The following SCARA5 variants were observed in gnomAD, a reference collection of about 807,000 sequenced individuals.
SCARA5 encodes the protein scavenger receptor class A, member 5 (putative).
SCARA5 carries 45 observed loss-of-function variants against 46.3 expected under a neutral mutation model. The ratio of observed to expected loss-of-function variants is 0.97; its 90% CI spans 0.76 to 1.24. The LOEUF is 1.24. SCARA5 is among the 50% of genes most tolerant of loss of function. The pLI is 0.00. For synonymous variants in SCARA5, 333 were observed against 306.5 expected (o/e 1.09, Z -0.90); for missense variants, 680 against 689.0 (o/e 0.99, Z 0.15).
chr8:27,917,475 G>C lies in SCARA5; in HGVS notation c.916+4096C>G, dbSNP rs140628674. On this transcript the variant is annotated intron_variant, in intron 4 of 8. Coordinates refer to ENST00000354914, the MANE Select transcript of SCARA5 (RefSeq NM_173833.6). ...GCTTGGAAGAGGAAGGGCCTGGAAA[G>C]TGCCTCAAATACAGGGAACACGCTT... Among the ~76,000 whole-genome samples the C allele has an allele frequency of 8.5e-4, 129 of 152,282 alleles. 1 individual carries two copies. The East Asian group carries it at 0.017, about 20-fold the overall frequency.
At chr8:27,981,099 G>A (rs766597938) in intron 2 of SCARA5, among the ~76,000 whole-genome samples, 1 of 152,106 alleles carries the variant, frequency 6.6e-6, no homozygotes, top group Admixed American at 6.5e-5. Context: ...TGTGTGCAAG[G>A]CGCTTTACCC....
chr8:27,942,757 G>GA (rs936546057), intron 3 of SCARA5, among the ~76,000 whole-genome samples: 11 of 150,362 alleles, frequency 7.3e-5, no homozygotes, highest in African/African-American at 1.2e-4. Context: ...TGGAGGGCTG[G>GA]AAAAAAAAAT....
intron 4 of SCARA5, among the ~76,000 whole-genome samples, chr8:27,916,809 G>T (rs777209820): frequency 5.3e-5 from 8 of 152,210 alleles, no homozygotes; most frequent in Non-Finnish European, 1.0e-4. Context: ...ACTGTGAAGA[G>T]CCAGGAGCCC....
At position 27,958,213 on chromosome 8, in the gene SCARA5, C is replaced by T. The variant is rs544252821; in HGVS notation, c.241+8201G>A. 4.6e-5 allele frequency among the ~76,000 whole-genome samples: 7 copies of T among 152,350 alleles called. No homozygotes were observed. The East Asian group carries it at 1.4e-3, about 29-fold the overall frequency. The stretch of plus-strand genomic sequence containing the variant: ...GTCTCTGCCCCCAACTTCTACCCGG[C>T]TCAGGCGTGGTCAGAGGCATCACCC... On this transcript the variant is annotated intron_variant, in intron 3 of 8. Transcript: ENST00000354914.
intron 3 of SCARA5, among the ~76,000 whole-genome samples, chr8:27,950,079 A>G (rs1051401311): frequency 6.6e-6 from 1 of 152,094 alleles, no homozygotes; most frequent in African/African-American, 2.4e-5. Flanking sequence ...GAGCCTGGAA[A>G]CGCTGGGGGA....
intron 4 of SCARA5, among the ~76,000 whole-genome samples, 165 bp from the exon 5 acceptor site, chr8:27,909,908 G>C (rs932915681): frequency 6.6e-6 from 1 of 152,066 alleles, no homozygotes; most frequent in African/African-American, 2.4e-5. Context: ...CATCAGGAAA[G>C]TCTTCCTGGA....
Position 27,922,184 on chromosome 8 carries a change from C to T in SCARA5, c.303G>A (p.Leu101=), listed in dbSNP as rs1807608040. 2.5e-6 allele frequency: 4 copies of T among 1,605,016 alleles called. No individual in the cohort carries two copies. Among genetic ancestry groups the T allele is most frequent in the Non-Finnish European group, 3.4e-6 (4 of 1,176,546 alleles). Residue 101 remains leucine, a synonymous_variant, in exon 4 of 9, where the codon CTG becomes CTA. Coordinates refer to ENST00000354914, the MANE Select transcript of SCARA5 (RefSeq NM_173833.6). The part of the protein sequence containing the change: ...LKALTRNVNR[L]NESFRDLQLR... Reference sequence around the variant, plus strand: ...GCTGCAAGTCCCGGAAGCTCTCATTCAGCCGGTTCACATTGCGAGTCAGGG... The same window carrying T: ...GCTGCAAGTCCCGGAAGCTCTCATTTAGCCGGTTCACATTGCGAGTCAGGG...
chr8:27,917,795 G>A (rs2093388987), intron 4 of SCARA5, among the ~76,000 whole-genome samples: 1 of 152,166 alleles, frequency 6.6e-6, no homozygotes, highest in African/African-American at 2.4e-5. Context: ...GTTAGTTCCT[G>A]AACACTAATC....
intron 1 of SCARA5, among the ~76,000 whole-genome samples, chr8:27,988,454 G>A (rs1195373963): frequency 6.6e-6 from 1 of 152,208 alleles, no homozygotes; most frequent in Non-Finnish European, 1.5e-5. Context: ...TGTACAACAC[G>A]ATCCCATTTT....
At chr8:27,944,522 T>C (rs1808001904) in intron 3 of SCARA5, among the ~76,000 whole-genome samples, 1 of 152,068 alleles carries the variant, frequency 6.6e-6, no homozygotes. Flanking sequence ...TATATAGCAC[T>C]CTTTATAGCT....
chr8:27,950,638 C>T (rs1808109328), intron 3 of SCARA5, among the ~76,000 whole-genome samples: 1 of 152,128 alleles, frequency 6.6e-6, no homozygotes, highest in Non-Finnish European at 1.5e-5. Flanking sequence ...GTTCTCTTAG[C>T]CCTCAGGATG....
chr8:27,907,275 C>T (rs748104361), intron 5 of SCARA5, 29 bp from the exon 6 acceptor site: 1 of 1,544,244 alleles, frequency 6.5e-7, no homozygotes, highest in Non-Finnish European at 8.9e-7. Context: ...AATGGCAGAG[C>T]CTCAGATGCA....
chr8:27,943,348 T>C (rs1169549931), intron 3 of SCARA5, among the ~76,000 whole-genome samples: 1 of 152,018 alleles, frequency 6.6e-6, no homozygotes, highest in East Asian at 1.9e-4. Context: ...GAGGCTGAGG[T>C]GGGAGGATCA....
intron 2 of SCARA5, among the ~76,000 whole-genome samples, chr8:27,972,624 G>A (rs1808464753): frequency 6.6e-6 from 1 of 152,206 alleles, no homozygotes; most frequent in Non-Finnish European, 1.5e-5. Context: ...AGCACTTCAG[G>A]AGGCTGAGAT....
intron 7 of SCARA5, among the ~76,000 whole-genome samples, chr8:27,899,667 C>T (rs916355638): frequency 2.6e-5 from 4 of 152,234 alleles, no homozygotes; most frequent in African/African-American, 4.8e-5. Context: ...CACTGCAATG[C>T]CCTTGGTTAT....
At chr8:27,964,773 G>GGCCT (rs1452283326) in intron 3 of SCARA5, among the ~76,000 whole-genome samples, 1 of 151,860 alleles carries the variant, frequency 6.6e-6, no homozygotes, top group Non-Finnish European at 1.5e-5. Flanking sequence ...GACCTCCAGA[G>GGCCT]GCCTGCCCCA....
intron 1 of SCARA5, among the ~76,000 whole-genome samples, chr8:27,987,946 G>C (rs1045314060): frequency 6.6e-6 from 1 of 152,182 alleles, no homozygotes; most frequent in African/African-American, 2.4e-5. Context: ...GGGTCACTGT[G>C]GGTTACACTG....
intron 3 of SCARA5, among the ~76,000 whole-genome samples, chr8:27,948,501 C>T (rs1217157975): frequency 1.3e-5 from 2 of 152,262 alleles, no homozygotes; most frequent in East Asian, 3.8e-4. Context: ...CTGGGCCGTT[C>T]CACCGGCAGG....
chr8:27,879,574 C>G lies in SCARA5; in HGVS notation c.1346G>C (p.Gly449Ala). 6.2e-7 allele frequency: 1 copy of G among 1,606,760 alleles called. No homozygotes were observed. Among genetic ancestry groups the G allele is most frequent in the Non-Finnish European group, 8.5e-7 (1 of 1,179,910 alleles). Residue 449 changes from glycine (G) to alanine (A), a missense_variant, in exon 8 of 9, where the codon GGG becomes GCG. Physicochemically the swap from Gly to Ala is moderately conservative, Grantham distance 60. Transcript: ENST00000354914. ...TTGCCCTCAGAGCGCCTTACCTTGC[C>G]CGAATCGAGCTGTGCGGTACACCTC... is the stretch of plus-strand genomic sequence containing the variant. ...VEEVYRTARF[G>A]QGTGRIWMDD...
Sources: allele counts gnomAD v4.1 joint callset (sites outside exome capture counted in the v4.1 genomes callset), GRCh38; gene constraint gnomAD v4.1.1; transcripts MANE v1.5; gene names NCBI Gene and HGNC (gene_info 2026-07-23, HGNC 2026-07-21).